ATG2B: variants seen among roughly 807,000 people sequenced by gnomAD.
ATG2B encodes autophagy related 2B, also known as autophagy-related protein 2 homolog B.
A neutral mutation model predicts 241.3 loss-of-function variants in ATG2B; 121 were observed. That is an observed-to-expected ratio of 0.50 (90% CI 0.43 to 0.58). The LOEUF is 0.58. Among genes scored for constraint, ATG2B ranks in the 20% least tolerant of loss-of-function variants. ATG2B has a pLI of 0.00. For synonymous variants in ATG2B, 858 were observed against 876.6 expected, an observed-to-expected ratio of 0.98 and a Z score of 0.37; for missense variants, 2,306 against 2,491.6, an observed-to-expected ratio of 0.93 and a Z score of 1.59.
chr14:96,295,583 T>A, intron 34 of ATG2B, 23 bp from the exon 35 acceptor site: 1 of 1,493,328 alleles, frequency 6.7e-7, no homozygotes, highest in Non-Finnish European at 9.2e-7. Context: ...GATGTAATTT[T>A]AACTAAGGAA....
chr14:96,331,352 A>G (rs1887725603), intron 11 of ATG2B, 24 bp downstream of exon 11: 1 of 1,586,380 alleles, frequency 6.3e-7, no homozygotes, highest in Non-Finnish European at 8.6e-7. Context: ...TTAAAGGATC[A>G]TTAATACATA....
intron 27 of ATG2B, 76 bp from the exon 28 acceptor site, chr14:96,311,363 A>C: frequency 7.4e-7 from 1 of 1,359,528 alleles, no homozygotes; most frequent in South Asian, 1.4e-5. Flanking sequence ...ATAGATTTAC[A>C]TTAAATAAGA....
Position 96,295,600 on chromosome 14 carries a change from A to G in ATG2B, c.5140-40T>C, listed in dbSNP as rs140123887. 6,818 of 1,343,530 alleles carry G rather than the reference A, an allele frequency of 5.1e-3. 219 individuals are homozygous for G. In the South Asian group the frequency reaches 0.057, roughly 11 times the overall value. The allele number at this position is 1,343,530 out of a possible 1,614,324, so 83.2% of individuals were successfully genotyped here. A position where few individuals can be genotyped will look rare whatever the true frequency, so the allele number is the denominator to read the frequency against. On this transcript the variant is annotated intron_variant, in intron 34 of 41. Coordinates refer to ENST00000359933, the MANE Select transcript of ATG2B (RefSeq NM_018036.7). Reference sequence around the variant, plus strand: ...TGTAATTTTAACTAAGGAAGAAAAGAATCACCTATTTCTAAAACTATGAAA... The same window carrying G: ...TGTAATTTTAACTAAGGAAGAAAAGGATCACCTATTTCTAAAACTATGAAA...
At chr14:96,313,250 C>T (rs1404789734) in intron 24 of ATG2B, 79 bp downstream of exon 24, 6 of 1,367,330 alleles carry the variant, frequency 4.4e-6, no homozygotes, top group African/African-American at 1.5e-5. Context: ...TGAACCTTAA[C>T]TCTACTGAAT....
chr14:96,304,746 A>G, intron 31 of ATG2B, 143 bp from the exon 32 acceptor site: 1 of 589,436 alleles, frequency 1.7e-6, no homozygotes, highest in East Asian at 2.8e-5. Context: ...ATTACTAGAA[A>G]CCAAAACCGT....
chr14:96,318,011 TAAC>T (rs1271308881), intron 18 of ATG2B, among the ~76,000 whole-genome samples, 156 bp from the exon 19 acceptor site: 2 of 152,056 alleles, frequency 1.3e-5, no homozygotes, highest in Non-Finnish European at 2.9e-5. Context: ...ACAACAAAAA[TAAC>T]AACTGCATTC....
chr14:96,362,617 G>A (rs2139918408), intron 1 of ATG2B, among the ~76,000 whole-genome samples, 198 bp downstream of exon 1: 1 of 150,636 alleles, frequency 6.6e-6, no homozygotes, highest in East Asian at 2.0e-4. Context: ...TAAAGTTTCC[G>A]GAACACGTGA....
At chr14:96,345,478 A>C (rs1888147562) in intron 2 of ATG2B, 93 bp from the exon 3 acceptor site, 1 of 968,650 alleles carries the variant, frequency 1.0e-6, no homozygotes, top group East Asian at 3.0e-5. Flanking sequence ...ACAAATTCTT[A>C]ATCTTTTAAG....
chr14:96,316,741 T>TCTCAA, intron 20 of ATG2B, 58 bp from the exon 21 acceptor site: 1 of 1,482,754 alleles, frequency 6.7e-7, no homozygotes, highest in Non-Finnish European at 9.2e-7. Flanking sequence ...AAAGTAAGCA[T>TCTCAA]GTTCCTTGAG....
intron 1 of ATG2B, among the ~76,000 whole-genome samples, chr14:96,357,786 T>C (rs368965664): frequency 6.6e-5 from 10 of 152,188 alleles, no homozygotes; most frequent in African/African-American, 2.2e-4. Flanking sequence ...GTATTAAGTA[T>C]TTCCACAACT....
At position 96,322,400 on chromosome 14, in the gene ATG2B, A is replaced by T. The variant is rs546835888; in HGVS notation, c.2736+140T>A. On this transcript the variant is annotated intron_variant, in intron 17 of 41. Transcript: ENST00000359933. ...TAGAGAAAATATACACCAAGAAAAA[A>T]TAGGTATTATTCAATTTTGAAGTTT... is the stretch of plus-strand genomic sequence containing the variant. 3.9e-6 allele frequency: 5 copies of T among 1,279,044 alleles called. No homozygotes were observed. The East Asian group carries it at 1.0e-4, about 25-fold the overall frequency. The allele number at this position is 1,279,044 out of a possible 1,614,324, so 79.2% of individuals were successfully genotyped here. A position where few individuals can be genotyped will look rare whatever the true frequency, so the allele number is the denominator to read the frequency against.
rs577817174 is a variant in ATG2B, at chr14:96,305,597, T to C, written c.4725A>G (p.Lys1575=). The C allele has an allele frequency of 1.2e-5, 20 of 1,607,902 alleles. No homozygotes were observed. In the South Asian group the frequency reaches 2.0e-4, roughly 16 times the overall value. Residue 1575 remains lysine, a synonymous_variant, in exon 31 of 42, where the codon AAA becomes AAG. Transcript: ENST00000359933. The part of the protein sequence containing the change: ...FGIVPPTSPA[K]SYISPHSSPS... The stretch of plus-strand genomic sequence containing the variant: ...TATAGAAATTAACTTACATATAACT[T>C]TTAGCCGGAGAAGTGGGAGGGACTA...
chr14:96,299,584 T>C (rs984147635), intron 34 of ATG2B, among the ~76,000 whole-genome samples: 1 of 152,112 alleles, frequency 6.6e-6, no homozygotes, highest in Admixed American at 6.5e-5. Context: ...AAATGGATAA[T>C]AGGCTAGCAG....
At position 96,362,851 on chromosome 14, in the gene ATG2B, G is replaced by A. The variant is rs777184207; in HGVS notation, c.126C>T (p.Gly42=). ...LEQLSLDLYQ[G]TGSLAQVPLD... is the part of the protein sequence containing the mutation. ...AGGGGACCTGGGCGAGGGACCCGGT[G>A]CCTTGGTACAGGTCCAGGCTGAGCT... The change falls in exon 1 of 42, where the codon GGC becomes GGT. Residue 42 remains glycine, a synonymous_variant. Transcript: ENST00000359933. 2 of 1,611,724 alleles carry A rather than the reference G, an allele frequency of 1.2e-6. No individual in the cohort carries two copies. Among genetic ancestry groups the A allele is most frequent in the African/African-American group, 2.7e-5 (2 of 74,870 alleles).
chr14:96,317,738 G>T lies in ATG2B; in HGVS notation c.2997C>A (p.Asn999Lys). The T allele has an allele frequency of 6.2e-7, 1 of 1,611,808 alleles. No individual in the cohort carries two copies. Among genetic ancestry groups the T allele is most frequent in the Non-Finnish European group, 8.5e-7 (1 of 1,178,604 alleles). Reference protein sequence around the residue: ...SVASQLINTFNKDSFSAFKSA... With the variant: ...SVASQLINTFKKDSFSAFKSA... Reference sequence around the variant, plus strand: ...ATTTAAATGCACTAAAACTATCTTTGTTGAAAGTATTAATGAGCTGACTGG... The same window carrying T: ...ATTTAAATGCACTAAAACTATCTTTTTTGAAAGTATTAATGAGCTGACTGG... Residue 999 changes from asparagine to lysine, a missense_variant, in exon 19 of 42, where the codon AAC becomes AAA. Asn to Lys is a moderately conservative substitution (Grantham distance 94). Around this residue, in one of 2 missense-constraint regions of ATG2B, gnomAD observed 1,927 missense variants for 2,011.2 expected, o/e 0.96. Coordinates refer to ENST00000359933, the MANE Select transcript of ATG2B (RefSeq NM_018036.7).
At chr14:96,319,957 C>A (rs924553527) in intron 18 of ATG2B, among the ~76,000 whole-genome samples, 2 of 152,004 alleles carry the variant, frequency 1.3e-5, no homozygotes, top group Non-Finnish European at 1.5e-5. Context: ...AGTGAGGGAG[C>A]GCTTCAGTAT....
intron 23 of ATG2B, 69 bp from the exon 24 acceptor site, chr14:96,313,504 A>C: frequency 1.5e-6 from 1 of 645,522 alleles, no homozygotes; most frequent in Non-Finnish European, 2.5e-6. Flanking sequence ...TATCCTTAAT[A>C]CCAATGTAAA....
Position 96,329,552 on chromosome 14 carries a change from C to T in ATG2B, c.1813G>A (p.Gly605Arg), listed in dbSNP as rs747827885. The change falls in exon 12 of 42, where the codon GGG (glycine) becomes AGG (arginine). Residue 605 changes from glycine (G) to arginine (R), a missense_variant. Around this residue, in one of 2 missense-constraint regions of ATG2B, gnomAD observed 1,927 missense variants for 2,011.2 expected, o/e 0.96. Transcript: ENST00000359933. The part of the protein sequence containing the change: ...SRYFSTDMSI[G>R]QMEFLECLFP... ...AGGCACTCCAAAAATTCCATTTGCCCAATGGACATATCAGTACTAAAATAT... is the reference window on the plus strand; with the variant it reads ...AGGCACTCCAAAAATTCCATTTGCCTAATGGACATATCAGTACTAAAATAT... 1.2e-6 allele frequency: 2 copies of T among 1,611,018 alleles called. No individual in the cohort carries two copies. Among genetic ancestry groups the T allele is most frequent in the Admixed American group, 3.3e-5 (2 of 59,972 alleles).
intron 6 of ATG2B, among the ~76,000 whole-genome samples, chr14:96,336,442 A>T (rs1439644199): frequency 1.3e-5 from 2 of 152,234 alleles, no homozygotes; most frequent in Admixed American, 1.3e-4. Flanking sequence ...GTACTTCTAA[A>T]TATTAAATAT....
Sources: gnomAD v4.1 joint callset for allele counts (sites outside exome capture counted in the v4.1 genomes callset) on GRCh38, gnomAD v4.1.1 for gene constraint, gnomAD v4.1.1 regional missense constraint, MANE v1.5 for transcripts, NCBI Gene and HGNC (gene_info 2026-07-23, HGNC 2026-07-21) for gene names.